The following LRP4 variants were observed in gnomAD, a reference collection of about 807,000 sequenced individuals.
LRP4 encodes LDL receptor related protein 4.
In LRP4, 95 loss-of-function variants were observed where a neutral mutation model predicts 220.3. The ratio of observed to expected loss-of-function variants is 0.43; its 90% CI spans 0.37 to 0.51. The LOEUF (loss-of-function observed/expected upper bound fraction) is 0.51. Among genes scored for constraint, LRP4 ranks in the 20% least tolerant of loss-of-function variants. The probability of loss-of-function intolerance (pLI) is 0.00; values close to 1 mark genes in which losing one functional copy is unlikely to be tolerated. For missense variants in LRP4, 1,925 were observed against 2,567.0 expected (o/e 0.75, Z 5.40); for synonymous variants, 903 against 954.6 (o/e 0.95, Z 1.00).
intron 34 of LRP4, among the ~76,000 whole-genome samples, chr11:46,867,338 C>G (rs2134772955): frequency 6.6e-6 from 1 of 152,220 alleles, no homozygotes; most frequent in South Asian, 2.1e-4. Context: ...GTTGGACAAG[C>G]CAATATGCCA....
chr11:46,878,780 C>T (rs570831067), intron 22 of LRP4, 127 bp downstream of exon 22: 1 of 1,396,166 alleles, frequency 7.2e-7, no homozygotes, highest in Admixed American at 1.7e-5. Flanking sequence ...AGTCTCTCCC[C>T]TGGGCCTCTA....
In LRP4 at chr11:46,873,787, G is replaced by C. The variant is rs577808675; in HGVS notation, c.4230-194C>G. 12 of 573,530 alleles carry C rather than the reference G, an allele frequency of 2.1e-5. No homozygotes were observed. The African/African-American group carries it at 2.2e-4, about 11-fold the overall frequency. 35.5% of individuals were successfully genotyped at this position (573,530 alleles called of 1,614,324 possible). A position where few individuals can be genotyped will look rare whatever the true frequency, so the allele number is the denominator to read the frequency against. ...AAATAATTGCAGAATGAAGGAACCA[G>C]TTCTTAGGAGGACACAGTATTTCCT... is the stretch of plus-strand genomic sequence containing the variant. On this transcript the variant is annotated intron_variant, in intron 28 of 37. Coordinates refer to ENST00000378623, the MANE Select transcript of LRP4 (RefSeq NM_002334.4). The surrounding 1 kb of genome is among the most constrained non-coding windows in gnomAD (Gnocchi z 4.2).
At chr11:46,916,296 A>C (rs1329405624) in intron 1 of LRP4, among the ~76,000 whole-genome samples, 4 of 152,014 alleles carry the variant, frequency 2.6e-5, no homozygotes, top group Non-Finnish European at 5.9e-5. Context: ...AAAAATTTGT[A>C]GGGTATGGTG....
At chr11:46,911,600 AT>A (rs66765340) in intron 1 of LRP4, among the ~76,000 whole-genome samples, 80,983 of 132,856 alleles carry the variant, frequency 0.61, 27,726 homozygotes, top group Non-Finnish European at 0.76. Context: ...AAAAAAAAAA[AT>A]AAATAAATAA....
At chr11:46,903,340 A>G (rs1411732173) in intron 1 of LRP4, among the ~76,000 whole-genome samples, 1 of 152,134 alleles carries the variant, frequency 6.6e-6, no homozygotes, top group Admixed American at 6.6e-5. Flanking sequence ...CAAAAAACTA[A>G]AAAATTAGCT....
At position 46,899,504 on chromosome 11, in the gene LRP4, C is replaced by G; in HGVS notation, c.431-1G>C. 1 of 1,608,502 alleles carries G rather than the reference C, an allele frequency of 6.2e-7. No homozygotes were observed. The highest frequency in any genetic ancestry group is 8.5e-7 in the Non-Finnish European group (1 of 1,175,560). On this transcript the variant is annotated splice_acceptor_variant, in intron 4 of 37. Coordinates refer to ENST00000378623, the MANE Select transcript of LRP4 (RefSeq NM_002334.4). LOFTEE classifies it high-confidence loss of function. The surrounding 1 kb of genome is among the most constrained non-coding windows in gnomAD (Gnocchi z 5.9). ...TCCTTGTCGGAGCACTTGCGCATGTCTGGGGGGATGCGATGGGACAGCAGT... is the reference window on the plus strand; with the variant it reads ...TCCTTGTCGGAGCACTTGCGCATGTGTGGGGGGATGCGATGGGACAGCAGT...
Position 46,896,971 on chromosome 11 carries a change from G to A in LRP4, c.820C>T (p.Gln274Ter). 1 of 1,614,204 alleles carries A rather than the reference G, an allele frequency of 6.2e-7. No individual in the cohort carries two copies. Among genetic ancestry groups the A allele is most frequent in the Non-Finnish European group, 8.5e-7 (1 of 1,180,020 alleles). ...CAGCGGCCTGAGTGACAGCGGAACT[G>A]TTCTGCCGTACACATGGAGGTGGCT... ...NCTTSMCTAE[Q>*]FRCHSGRCVR... Residue 274 changes from glutamine (Q) to a stop codon, truncating the protein, a stop_gained, in exon 8 of 38, where the codon CAG becomes TAG. Coordinates refer to ENST00000378623, the MANE Select transcript of LRP4 (RefSeq NM_002334.4). LOFTEE classifies it high-confidence loss of function.
rs368082513 is a variant in LRP4 at position 46,898,706 on chromosome 11, G to A, written c.677-29C>T. On this transcript the variant is annotated intron_variant, in intron 6 of 37. Coordinates refer to ENST00000378623, the MANE Select transcript of LRP4 (RefSeq NM_002334.4). ...GGGAAACACAAGACTTCTGTCTCTAGCCAGTCTGTGCAGTGTCCCATGGCA... is the reference window on the plus strand; with the variant it reads ...GGGAAACACAAGACTTCTGTCTCTAACCAGTCTGTGCAGTGTCCCATGGCA... 5.6e-6 allele frequency: 9 copies of A among 1,613,526 alleles called. No individual in the cohort carries two copies. In the African/African-American group the frequency reaches 1.2e-4, roughly 22 times the overall value.
At chr11:46,862,830 G>T in intron 36 of LRP4, 83 bp from the exon 37 acceptor site, 1 of 1,263,274 alleles carries the variant, frequency 7.9e-7, no homozygotes, top group Non-Finnish European at 1.1e-6. Context: ...AGTCTGGTAG[G>T]CAGCCTCTAA....
intron 19 of LRP4, among the ~76,000 whole-genome samples, chr11:46,882,850 C>T (rs1191678456): frequency 6.8e-6 from 1 of 146,350 alleles, no homozygotes; most frequent in African/African-American, 2.4e-5. Flanking sequence ...GAGCAAGACC[C>T]TGTCTCAAAA....
At chr11:46,893,157 C>G (rs1435901598) in intron 12 of LRP4, 28 bp from the exon 13 acceptor site, 1 of 1,613,910 alleles carries the variant, frequency 6.2e-7, no homozygotes, top group Non-Finnish European at 8.5e-7. Flanking sequence ...CAAAAAATGT[C>G]AAGGAGTCAA....
At chr11:46,869,942 C>A (rs1184755564) in intron 31 of LRP4, among the ~76,000 whole-genome samples, 1 of 152,048 alleles carries the variant, frequency 6.6e-6, no homozygotes, top group Non-Finnish European at 1.5e-5. Flanking sequence ...CCTGTCTCTA[C>A]TAAAAATACA....
At chr11:46,871,995 C>G (rs145336862) in intron 30 of LRP4, among the ~76,000 whole-genome samples, 1 of 152,078 alleles carries the variant, frequency 6.6e-6, no homozygotes, top group East Asian at 1.9e-4. Context: ...TGGTGGCTCA[C>G]GCTTGTAATC....
intron 1 of LRP4, among the ~76,000 whole-genome samples, chr11:46,904,074 C>A (rs898190464): frequency 1.3e-5 from 2 of 152,230 alleles, no homozygotes; most frequent in African/African-American, 4.8e-5. Context: ...TCACTCTCCC[C>A]CCTCCCAGCA....
At chr11:46,895,582 A>AAAAAAT (rs1319591477) in intron 10 of LRP4, among the ~76,000 whole-genome samples, 4 of 152,148 alleles carry the variant, frequency 2.6e-5, no homozygotes, top group Admixed American at 1.3e-4. Context: ...CTCCATCTCA[A>AAAAAAT]AAAAATAAAA....
intron 1 of LRP4, among the ~76,000 whole-genome samples, chr11:46,908,081 A>G (rs1394241074): frequency 6.6e-6 from 1 of 151,964 alleles, no homozygotes; most frequent in Non-Finnish European, 1.5e-5. Context: ...ACAGGCACCC[A>G]TCACTGCACC....
Position 46,867,600 on chromosome 11 carries a change from T to C in LRP4, c.5087+379A>G, listed in dbSNP as rs560454792. ...TCTCAGCCTCCAGAGTAGCTGGGAT[T>C]ACAGGCATGTGCCACCACGCTCAGC... On this transcript the variant is annotated intron_variant, in intron 34 of 37. Coordinates refer to ENST00000378623, the MANE Select transcript of LRP4 (RefSeq NM_002334.4). Among the ~76,000 whole-genome samples the C allele has an allele frequency of 8.5e-5, 13 of 152,350 alleles. No individual in the cohort carries two copies. In the South Asian group the frequency reaches 2.7e-3, roughly 32 times the overall value.
chr11:46,869,169 A>G (rs376771469), intron 31 of LRP4, 37 bp from the exon 32 acceptor site: 3 of 1,602,270 alleles, frequency 1.9e-6, no homozygotes, highest in Non-Finnish European at 2.6e-6. Flanking sequence ...AGTAAATATT[A>G]TTCAGCAAGC....
In LRP4 at chr11:46,897,123, A is replaced by G. The variant is rs1206171414; in HGVS notation, c.797-129T>C. Reference sequence around the variant, plus strand: ...CACCGGGATCACAGCTGGTCTATATAGTGTCTTTGTGTGAATCAGAAAAAA... The same window carrying G: ...CACCGGGATCACAGCTGGTCTATATGGTGTCTTTGTGTGAATCAGAAAAAA... On this transcript the variant is annotated intron_variant, in intron 7 of 37. Coordinates refer to ENST00000378623, the MANE Select transcript of LRP4 (RefSeq NM_002334.4). 4 of 1,218,880 alleles carry G rather than the reference A, an allele frequency of 3.3e-6. No individual in the cohort carries two copies. In the African/African-American group the frequency reaches 4.5e-5, roughly 14 times the overall value. 75.5% of individuals were successfully genotyped at this position (1,218,880 alleles called of 1,614,324 possible). A position where few individuals can be genotyped will look rare whatever the true frequency, so the allele number is the denominator to read the frequency against.
Sources: gnomAD v4.1 joint callset for allele counts (sites outside exome capture counted in the v4.1 genomes callset) on GRCh38, gnomAD v4.1.1 for gene constraint, Gnocchi (gnomAD v3.1) non-coding constraint, MANE v1.5 for transcripts, NCBI Gene and HGNC (gene_info 2026-07-23, HGNC 2026-07-21) for gene names.